The following SH3D19 variants were observed in gnomAD, a reference collection of about 807,000 sequenced individuals.
SH3D19 encodes the protein SH3 domain-containing protein 19.
SH3D19 carries 58 observed loss-of-function variants against 112.1 expected under a neutral mutation model. That is an observed-to-expected ratio of 0.52 (90% CI 0.42 to 0.64). The LOEUF (loss-of-function observed/expected upper bound fraction) is 0.64. Among genes scored for constraint, SH3D19 ranks in the 30% least tolerant of loss-of-function variants. SH3D19 has a pLI of 0.00. For synonymous variants in SH3D19, 391 were observed against 448.5 expected (o/e 0.87, Z 1.62); for missense variants, 1,090 against 1,263.4 (o/e 0.86, Z 2.08).
Position 151,174,926 on chromosome 4 carries a change from C to A in SH3D19, c.1278G>T (p.Lys426Asn). The A allele has an allele frequency of 6.2e-7, 1 of 1,613,788 alleles. No homozygotes were observed. The change falls in exon 7 of 20, where the codon AAG becomes AAT. Residue 426 changes from lysine to asparagine, a missense_variant. By Grantham distance (94) the Lys-to-Asn change is moderately conservative. Transcript: ENST00000604030. ...PTPAPRPLLL[K>N]KSVSSENPTY... is the part of the protein sequence containing the mutation. Reference sequence around the variant, plus strand: ...TGGGGTTTTCTGAGGAAACAGATTTCTTCAGCAGCAAAGGCCGCGGGGCAG... The same window carrying A: ...TGGGGTTTTCTGAGGAAACAGATTTATTCAGCAGCAAAGGCCGCGGGGCAG...
At chr4:151,262,690 C>CTCTCTCTCT (rs1338405416) in intron 1 of SH3D19, 1 of 152,030 alleles carries the variant, frequency 6.6e-6, no homozygotes, top group East Asian at 1.9e-4. Flanking sequence ...CTCTCTCTCT[C>CTCTCTCTCT]TCTCTCTCTC....
intron 1 of SH3D19, among the ~76,000 whole-genome samples, chr4:151,317,078 G>A (rs1040057897): frequency 3.3e-5 from 5 of 152,140 alleles, no homozygotes; most frequent in Admixed American, 6.5e-5. Flanking sequence ...AAAAGGGGTC[G>A]GCATGACAAG....
intron 2 of SH3D19, among the ~76,000 whole-genome samples, chr4:151,198,018 C>A (rs1249943155): frequency 6.6e-6 from 1 of 151,932 alleles, no homozygotes; most frequent in Non-Finnish European, 1.5e-5. Context: ...AAAAATGTAT[C>A]TTTCAGGCCA....
At chr4:151,213,850 C>A (rs913567391) in intron 2 of SH3D19, among the ~76,000 whole-genome samples, 1 of 151,420 alleles carries the variant, frequency 6.6e-6, no homozygotes, top group Non-Finnish European at 1.5e-5. Flanking sequence ...CCGTGACTGG[C>A]TAACTTTTAA....
chr4:151,161,634 A>ATTT (rs1214618148), intron 8 of SH3D19, among the ~76,000 whole-genome samples: 16 of 141,918 alleles, frequency 1.1e-4, no homozygotes, highest in South Asian at 4.4e-4. Context: ...ATATATATAT[A>ATTT]TATATATTTT....
intron 7 of SH3D19, 27 bp downstream of exon 7, chr4:151,174,643 C>T (rs765956454): frequency 1.5e-5 from 23 of 1,493,422 alleles, no homozygotes; most frequent in Non-Finnish European, 2.0e-5. Context: ...AGTTTAGATT[C>T]CCCTCCACTG....
intron 19 of SH3D19, among the ~76,000 whole-genome samples, chr4:151,126,864 C>G (rs1749492878): frequency 9.7e-6 from 1 of 103,138 alleles, no homozygotes; most frequent in South Asian, 3.4e-4. Flanking sequence ...TTAGGCATTT[C>G]TTCGGTGAAA....
chr4:151,193,720 C>G (rs968729854), intron 2 of SH3D19, among the ~76,000 whole-genome samples: 2 of 152,158 alleles, frequency 1.3e-5, no homozygotes, highest in Non-Finnish European at 2.9e-5. Context: ...CATGTCAACC[C>G]AGCACCTAAG....
At chr4:151,317,331 A>G (rs1730087488) in intron 1 of SH3D19, among the ~76,000 whole-genome samples, 1 of 152,234 alleles carries the variant, frequency 6.6e-6, no homozygotes, top group African/African-American at 2.4e-5. Flanking sequence ...TTAATACACC[A>G]AAAGCTAAGG....
At chr4:151,150,248 T>TAC (rs1371811839) in intron 9 of SH3D19, among the ~76,000 whole-genome samples, 15 of 41,086 alleles carry the variant, frequency 3.7e-4, no homozygotes, top group Non-Finnish European at 1.4e-3. Flanking sequence ...CATATATATA[T>TAC]ATACACACAT....
intron 2 of SH3D19, among the ~76,000 whole-genome samples, chr4:151,189,590 A>G (rs1762319603): frequency 6.6e-6 from 1 of 152,096 alleles, no homozygotes; most frequent in Non-Finnish European, 1.5e-5. Flanking sequence ...AAGTCTTATG[A>G]GATCTGATGG....
At chr4:151,234,544 A>C (rs1221520506) in intron 1 of SH3D19, among the ~76,000 whole-genome samples, 1 of 152,118 alleles carries the variant, frequency 6.6e-6, no homozygotes, top group Middle Eastern at 3.2e-3. Flanking sequence ...TAAGCTCCCT[A>C]ATGATTCTCT....
At chr4:151,136,582 T>C (rs200149117) in intron 14 of SH3D19, among the ~76,000 whole-genome samples, 2 of 151,944 alleles carry the variant, frequency 1.3e-5, no homozygotes, top group African/African-American at 2.4e-5. Context: ...CAGTGCCTTC[T>C]TGAATTTTAA....
intron 14 of SH3D19, among the ~76,000 whole-genome samples, chr4:151,136,564 T>C (rs189912003): frequency 1.1e-5 from 1 of 92,966 alleles, no homozygotes; most frequent in Non-Finnish European, 2.4e-5. Flanking sequence ...TCGAGGTTTA[T>C]ATTAAATCAG....
rs183256549 is a variant in SH3D19, at chr4:151,187,202, C to T, written c.193+221G>A. ...ATTTGGGATTAAGGAAAAAAAACCC[C>T]AGCTTTGTTCTGCAAGAGAAAAACA... On this transcript the variant is annotated intron_variant, in intron 3 of 19. Coordinates refer to ENST00000604030, the MANE Select transcript of SH3D19 (RefSeq NM_001378122.1). Among the ~76,000 whole-genome samples, 94 of 151,546 alleles carry T rather than the reference C, an allele frequency of 6.2e-4. 1 individual carries two copies. Among genetic ancestry groups the T allele is most frequent in the Non-Finnish European group, 7.4e-5 (5 of 67,908 alleles).
intron 1 of SH3D19, among the ~76,000 whole-genome samples, chr4:151,237,911 C>T (rs1475103603): frequency 2.0e-5 from 3 of 152,164 alleles, no homozygotes; most frequent in Admixed American, 6.5e-5. Context: ...CCTTATTCAA[C>T]GGTTCAGCCT....
At chr4:151,270,947 G>A (rs1022456774) in intron 1 of SH3D19, among the ~76,000 whole-genome samples, 1 of 152,184 alleles carries the variant, frequency 6.6e-6, no homozygotes, top group Non-Finnish European at 1.5e-5. Context: ...TTTTGAGACA[G>A]GGTCTCAACT....
At chr4:151,291,418 G>A in intron 1 of SH3D19, 1 of 1,613,406 alleles carries the variant, frequency 6.2e-7, no homozygotes, top group African/African-American at 1.3e-5. Flanking sequence ...GGGCTGGGAA[G>A]AGAATGCATG....
chr4:151,195,515 A>G (rs1763337969), intron 2 of SH3D19, among the ~76,000 whole-genome samples: 1 of 152,144 alleles, frequency 6.6e-6, no homozygotes, highest in South Asian at 2.1e-4. Context: ...GCCCCTGCCC[A>G]TAGGTGCTCA....
Sources: allele counts gnomAD v4.1 joint callset (sites outside exome capture counted in the v4.1 genomes callset), GRCh38; gene constraint gnomAD v4.1.1; transcripts MANE v1.5; gene names NCBI Gene and HGNC (gene_info 2026-07-23, HGNC 2026-07-21).